USP10: variants seen among roughly 807,000 people sequenced by gnomAD.
USP10 encodes the protein ubiquitin specific peptidase 10.
In USP10, 22 loss-of-function variants were observed where a neutral mutation model predicts 84.5. The observed-to-expected ratio is 0.26, with a 90% CI of 0.19 to 0.37. USP10 has a LOEUF of 0.37. USP10 is among the 10% of genes least tolerant of loss of function. The pLI, the probability that USP10 is intolerant of heterozygous loss-of-function variation, is 1.00. For missense variants in USP10, 1,019 were observed against 998.9 expected (o/e 1.02, Z -0.27); for synonymous variants, 454 against 387.6 (o/e 1.17, Z -2.01).
rs146122282 is a variant in USP10 at position 84,733,210 on chromosome 16, T to G, written c.22-225T>G. On this transcript the variant is annotated intron_variant, in intron 1 of 13. Transcript: ENST00000219473. ...TTGATTTGTTTCAAAATAAGCTTTA[T>G]CAGTTTCATAGTGTTCTTTGACAAT... 2.8e-3 allele frequency: 1,678 copies of G among 602,962 alleles called. 13 individuals carry two copies. The highest frequency in any genetic ancestry group is 1.0e-2 in the East Asian group (295 of 29,632). 37.4% of individuals were successfully genotyped at this position (602,962 alleles called of 1,614,324 possible).
At chr16:84,716,974 T>C (rs1907103496) in intron 1 of USP10, among the ~76,000 whole-genome samples, 1 of 152,226 alleles carries the variant, frequency 6.6e-6, no homozygotes, top group Non-Finnish European at 1.5e-5. Flanking sequence ...GTGTGCTTGC[T>C]TCATAGTAGA....
At chr16:84,764,059 AGT>A (rs1432034540) in intron 9 of USP10, 25 bp from the exon 10 acceptor site, 2 of 1,596,696 alleles carry the variant, frequency 1.3e-6, no homozygotes, top group Non-Finnish European at 1.7e-6. Flanking sequence ...CGTAAATAGT[AGT>A]GTAAGCAGAT....
intron 8 of USP10, 100 bp downstream of exon 8, chr16:84,760,375 C>A: frequency 1.9e-6 from 2 of 1,028,040 alleles, no homozygotes; most frequent in South Asian, 1.5e-5. Flanking sequence ...CTGTCTCCAG[C>A]GCTATAAGTA....
intron 4 of USP10, among the ~76,000 whole-genome samples, chr16:84,757,687 G>T (rs1017616872): frequency 1.3e-5 from 2 of 151,864 alleles, no homozygotes; most frequent in African/African-American, 4.8e-5. Flanking sequence ...TCTATTTGTG[G>T]GTTATATGAT....
intron 4 of USP10, among the ~76,000 whole-genome samples, chr16:84,753,916 T>C (rs1157259806): frequency 6.6e-6 from 1 of 152,084 alleles, no homozygotes; most frequent in Non-Finnish European, 1.5e-5. Context: ...GGCAGCTGTT[T>C]GTAGGGAGAA....
At chr16:84,774,794 G>A (rs915247240) in intron 12 of USP10, among the ~76,000 whole-genome samples, 1 of 152,120 alleles carries the variant, frequency 6.6e-6, no homozygotes, top group Non-Finnish European at 1.5e-5. Context: ...ATGATCTGAC[G>A]CATATGTAAA....
At chr16:84,708,189 C>T (rs1182285597) in intron 1 of USP10, among the ~76,000 whole-genome samples, 1 of 152,106 alleles carries the variant, frequency 6.6e-6, no homozygotes, top group African/African-American at 2.4e-5. Context: ...GTGGCTCACG[C>T]GTGTAATCCC....
chr16:84,734,944 G>C (rs539772599), intron 2 of USP10, among the ~76,000 whole-genome samples: 1 of 152,230 alleles, frequency 6.6e-6, no homozygotes, highest in East Asian at 1.9e-4. Flanking sequence ...ATCTCCCCTG[G>C]TTCCGAGTGT....
chr16:84,757,211 A>C (rs1010018641), intron 4 of USP10, among the ~76,000 whole-genome samples: 1 of 152,182 alleles, frequency 6.6e-6, no homozygotes, highest in Non-Finnish European at 1.5e-5. Context: ...ATTTATTTCA[A>C]GGCCCAGTTC....
chr16:84,758,636 A>T, intron 4 of USP10, 80 bp from the exon 5 acceptor site: 1 of 1,005,054 alleles, frequency 9.9e-7, no homozygotes, highest in Non-Finnish European at 1.6e-6. Context: ...ATGCTGTCCC[A>T]GAGTAGAGCA....
intron 1 of USP10, chr16:84,716,633 C>G (rs1907050021): frequency 6.6e-6 from 1 of 152,122 alleles, no homozygotes; most frequent in Non-Finnish European, 1.5e-5. Context: ...AGGACTTCTT[C>G]AGAGCATGGG....
chr16:84,700,800 A>C (rs1904767014), intron 1 of USP10, among the ~76,000 whole-genome samples: 1 of 152,134 alleles, frequency 6.6e-6, no homozygotes, highest in African/African-American at 2.4e-5. Context: ...ACAGTAGCTA[A>C]AGCTTGGGGG....
intron 13 of USP10, 105 bp from the exon 14 acceptor site, chr16:84,778,790 G>C (rs1597419618): frequency 2.7e-6 from 3 of 1,103,826 alleles, no homozygotes; most frequent in East Asian, 5.3e-5. Context: ...CTTTGGAGAG[G>C]GGTTTTACAC....
At chr16:84,738,978 C>A (rs1044972110) in intron 2 of USP10, among the ~76,000 whole-genome samples, 1 of 152,158 alleles carries the variant, frequency 6.6e-6, no homozygotes, top group Non-Finnish European at 1.5e-5. Context: ...GGAAGTGCTG[C>A]ACCAGAATGT....
At chr16:84,737,540 CA>C (rs1280003650) in intron 2 of USP10, among the ~76,000 whole-genome samples, 1 of 152,240 alleles carries the variant, frequency 6.6e-6, no homozygotes, top group Non-Finnish European at 1.5e-5. Context: ...CACAGTGCCA[CA>C]ACCCATCTGG....
chr16:84,706,731 G>A (rs113666236), intron 1 of USP10, among the ~76,000 whole-genome samples: 2,673 of 151,836 alleles, frequency 0.018, 80 homozygotes, highest in African/African-American at 0.061. Context: ...TAGTAGAGAC[G>A]GGGTTTCACG....
At chr16:84,777,187 G>A (rs1278334226) in intron 13 of USP10, among the ~76,000 whole-genome samples, 1 of 152,198 alleles carries the variant, frequency 6.6e-6, no homozygotes, top group Middle Eastern at 3.2e-3. Context: ...TCCTGTCAGG[G>A]GGGCTTGCAG....
Position 84,768,800 on chromosome 16 carries a change from T to C in USP10, c.1998+442T>C, listed in dbSNP as rs76302990. On this transcript the variant is annotated intron_variant, in intron 11 of 13. Coordinates refer to ENST00000219473, the MANE Select transcript of USP10 (RefSeq NM_005153.3). ...CTTCCAGGTCATTGTAAATATAATATAGTCATTGTAAATATAATATAGTCA... is the reference window on the plus strand; with the variant it reads ...CTTCCAGGTCATTGTAAATATAATACAGTCATTGTAAATATAATATAGTCA... 5.6e-3 allele frequency among the ~76,000 whole-genome samples: 846 copies of C among 152,248 alleles called. 4 individuals are homozygous for C. The highest frequency in any genetic ancestry group is 7.4e-3 in the Non-Finnish European group (506 of 68,026).
chr16:84,715,247 T>C (rs1276081545), intron 1 of USP10, among the ~76,000 whole-genome samples: 1 of 152,184 alleles, frequency 6.6e-6, no homozygotes, highest in Non-Finnish European at 1.5e-5. Context: ...AAAATATCAA[T>C]AAGCTGACTT....
Sources: allele counts gnomAD v4.1 joint callset (sites outside exome capture counted in the v4.1 genomes callset), GRCh38; gene constraint gnomAD v4.1.1; transcripts MANE v1.5; gene names NCBI Gene and HGNC (gene_info 2026-07-23, HGNC 2026-07-21).